Variants in C2orf15 observed in about 807,000 individuals in gnomAD.
C2orf15 encodes uncharacterized protein C2orf15.
C2orf15 carries 3 observed loss-of-function variants against 4.4 expected under a neutral mutation model. The ratio of observed to expected loss-of-function variants is 0.67; its 90% CI spans 0.31 to 1.74. C2orf15 has a LOEUF of 1.74. C2orf15 is among the 40% of genes most tolerant of loss of function. The pLI, the probability that C2orf15 is intolerant of heterozygous loss-of-function variation, is 0.09. For missense variants in C2orf15, 90 were observed against 103.3 expected, an observed-to-expected ratio of 0.87 and a Z score of 0.56; for synonymous variants, 37 against 36.8, an observed-to-expected ratio of 1.00 and a Z score of -0.02.
intron 3 of C2orf15, 83 bp downstream of exon 3, chr2:99,147,576 T>C: frequency 8.7e-7 from 1 of 1,148,384 alleles, no homozygotes; most frequent in Non-Finnish European, 1.3e-6. Context: ...AATGTGCAAA[T>C]TGATAATTAT....
chr2:99,144,773 A>G (rs1488432360), intron 2 of C2orf15, among the ~76,000 whole-genome samples: 1 of 151,884 alleles, frequency 6.6e-6, no homozygotes, highest in Non-Finnish European at 1.5e-5. Context: ...GTCACTAACT[A>G]TCCTCAAGGG....
At chr2:99,144,459 A>G (rs1379043330) in intron 2 of C2orf15, among the ~76,000 whole-genome samples, 1 of 151,800 alleles carries the variant, frequency 6.6e-6, no homozygotes, top group African/African-American at 2.4e-5. Context: ...TCCAATATCT[A>G]AAAGCCATTG....
chr2:99,143,311 TTTTG>T lies in C2orf15; in HGVS notation c.-169+918_-169+921del, dbSNP rs576176784. Among the ~76,000 whole-genome samples the T allele has an allele frequency of 1.3e-4, 20 of 151,298 alleles. No homozygotes were observed. In the South Asian group the frequency reaches 3.6e-3, roughly 27 times the overall value. ...CGCCCACTACTACGCCCAGCTTTTT[TTTTG>T]TTTGTTTTTTGTTTTTTGTATTTTT... On this transcript the variant is annotated intron_variant, in intron 2 of 3. Coordinates refer to ENST00000650052, the MANE Select transcript of C2orf15 (RefSeq NM_144706.4).
chr2:99,142,190 G>T (rs2093573419), intron 1 of C2orf15, 95 bp from the exon 2 acceptor site: 1 of 152,244 alleles, frequency 6.6e-6, no homozygotes. Flanking sequence ...GGGGAAAAAA[G>T]TCTTCTTAAT....
intron 1 of C2orf15, 41 bp from the exon 2 acceptor site, chr2:99,142,244 C>T (rs2093574547): frequency 6.6e-6 from 1 of 152,204 alleles, no homozygotes; most frequent in Admixed American, 6.5e-5. Context: ...AACTCAAGAG[C>T]TTCTGGATGA....
intron 2 of C2orf15, among the ~76,000 whole-genome samples, chr2:99,144,649 C>CAAAAAAAAAAAAAAAA (rs70940140): frequency 9.6e-5 from 5 of 52,268 alleles, no homozygotes; most frequent in Admixed American, 2.7e-4. Flanking sequence ...AACTCTGTCT[C>CAAAAAAAAAAAAAAAA]AAAAAAAAAA....
At chr2:99,149,438 T>A (rs2093666131) in intron 3 of C2orf15, among the ~76,000 whole-genome samples, 1 of 134,236 alleles carries the variant, frequency 7.4e-6, no homozygotes, top group African/African-American at 2.7e-5. Flanking sequence ...TGCTACATGA[T>A]CATCTTTTTT....
At chr2:99,148,992 T>A (rs763351619) in intron 3 of C2orf15, among the ~76,000 whole-genome samples, 2 of 151,316 alleles carry the variant, frequency 1.3e-5, no homozygotes, top group Non-Finnish European at 2.9e-5. Flanking sequence ...GGAAAAAAAA[T>A]AAATAAAAAT....
chr2:99,149,442 CTTT>C (rs35395900), intron 3 of C2orf15, among the ~76,000 whole-genome samples: 4 of 132,814 alleles, frequency 3.0e-5, no homozygotes, highest in African/African-American at 8.4e-5. Flanking sequence ...ACATGATCAT[CTTT>C]TTTTTTTTTT....
intron 3 of C2orf15, among the ~76,000 whole-genome samples, chr2:99,148,944 G>T (rs2093660009): frequency 6.6e-6 from 1 of 151,708 alleles, no homozygotes. Flanking sequence ...AATGGTAAAT[G>T]TTATATATAT....
chr2:99,149,742 G>A (rs1353293939), intron 3 of C2orf15, among the ~76,000 whole-genome samples: 3 of 142,432 alleles, frequency 2.1e-5, no homozygotes, highest in Admixed American at 7.2e-5. Context: ...GCGCTCGGCC[G>A]ATCATCTCTT....
At chr2:99,146,960 A>G (rs2093638112) in intron 2 of C2orf15, 1 of 152,356 alleles carries the variant, frequency 6.6e-6, no homozygotes, top group African/African-American at 2.4e-5. Flanking sequence ...TTATGTCCAC[A>G]TAGTTAGCCA....
chr2:99,149,414 A>G (rs1218143780), intron 3 of C2orf15, among the ~76,000 whole-genome samples: 1 of 150,846 alleles, frequency 6.6e-6, no homozygotes, highest in Admixed American at 6.6e-5. Flanking sequence ...GAAACTTCCC[A>G]AGGCCTCCCT....
At chr2:99,148,618 G>A (rs2093656266) in intron 3 of C2orf15, among the ~76,000 whole-genome samples, 1 of 152,162 alleles carries the variant, frequency 6.6e-6, no homozygotes, top group African/African-American at 2.4e-5. Context: ...TGATGAGTAT[G>A]AAATTGTAAA....
chr2:99,150,660 G>A lies in C2orf15; in HGVS notation c.102G>A (p.Leu34=), dbSNP rs1324930175. The A allele has an allele frequency of 1.2e-6, 2 of 1,613,860 alleles. No homozygotes were observed. Among genetic ancestry groups the A allele is most frequent in the Admixed American group, 3.3e-5 (2 of 59,988 alleles). ...TACGAGGGACTGAAAAAAGCAGGTTGGAACCAGCGACTCAGTTATTTCAAA... is the reference window on the plus strand; with the variant it reads ...TACGAGGGACTGAAAAAAGCAGGTTAGAACCAGCGACTCAGTTATTTCAAA... ...HLIRGTEKSR[L]EPATQLFQNT... The change falls in exon 4 of 4, where the codon TTG becomes TTA. Residue 34 remains leucine (L), a synonymous_variant. Transcript: ENST00000650052.
chr2:99,148,709 T>C (rs576133875), intron 3 of C2orf15, among the ~76,000 whole-genome samples: 8 of 152,304 alleles, frequency 5.3e-5, no homozygotes, highest in African/African-American at 1.7e-4. Context: ...CAGTGGCTCA[T>C]GCTTGTAATC....
intron 1 of C2orf15, 117 bp from the exon 2 acceptor site, chr2:99,142,168 G>A (rs2093572555): frequency 1.3e-5 from 2 of 152,322 alleles, no homozygotes; most frequent in African/African-American, 4.8e-5. Flanking sequence ...ATTTTTTGGA[G>A]CCCAGAATGG....
chr2:99,142,693 A>G (rs1470020458), intron 2 of C2orf15, among the ~76,000 whole-genome samples: 2 of 152,230 alleles, frequency 1.3e-5, no homozygotes, highest in African/African-American at 4.8e-5. Context: ...TAAATGCACA[A>G]AATAACAAAC....
chr2:99,145,475 T>C (rs2093622324), intron 2 of C2orf15, among the ~76,000 whole-genome samples: 1 of 151,840 alleles, frequency 6.6e-6, no homozygotes, highest in Non-Finnish European at 1.5e-5. Context: ...CGAGAATCAC[T>C]TGAACCCAGG....
Sources: allele counts gnomAD v4.1 joint callset (sites outside exome capture counted in the v4.1 genomes callset), GRCh38; gene constraint gnomAD v4.1.1; transcripts MANE v1.5; gene names NCBI Gene and HGNC (gene_info 2026-07-23, HGNC 2026-07-21).